ARSB: variants seen among roughly 807,000 people sequenced by gnomAD.
The protein encoded by ARSB is N-acetylgalactosamine-4-sulfatase.
Under a neutral mutation model 50.9 loss-of-function variants are expected in ARSB, and 41 were observed. The ratio of observed to expected loss-of-function variants is 0.81; its 90% confidence interval spans 0.63 to 1.04. The LOEUF is 1.04. Among genes scored for constraint, ARSB ranks in the 50% least tolerant of loss-of-function variants. ARSB has a pLI of 0.00. For synonymous variants in ARSB, 269 were observed against 284.8 expected (o/e 0.94, Z 0.56); for missense variants, 672 against 693.3 (o/e 0.97, Z 0.35).
intron 4 of ARSB, among the ~76,000 whole-genome samples, chr5:78,947,059 G>T (rs1751266621): frequency 6.6e-6 from 1 of 152,134 alleles, no homozygotes. Context: ...ATGGTGCTGG[G>T]AAAACTGGAT....
At chr5:78,892,441 A>G (rs946942119) in intron 4 of ARSB, among the ~76,000 whole-genome samples, 1 of 151,872 alleles carries the variant, frequency 6.6e-6, no homozygotes, top group Non-Finnish European at 1.5e-5. Flanking sequence ...TTTTTAGTGA[A>G]GACAGGGTTT....
chr5:78,809,028 T>C (rs1743696277), intron 6 of ARSB, among the ~76,000 whole-genome samples: 1 of 152,182 alleles, frequency 6.6e-6, no homozygotes, highest in Non-Finnish European at 1.5e-5. Flanking sequence ...AACAGACATG[T>C]ATAAATGACA....
In ARSB at chr5:78,948,622, C is replaced by T. The variant is rs1006348259; in HGVS notation, c.898+6673G>A. On this transcript the variant is annotated intron_variant, in intron 4 of 7. Coordinates refer to ENST00000264914, the MANE Select transcript of ARSB (RefSeq NM_000046.5). ...AGAATAATTAAATTTAAACTTTTCT[C>T]GTCAGCTTTTTGAAGAGTCTATTTC... 8.0e-4 allele frequency among the ~76,000 whole-genome samples: 121 copies of T among 152,140 alleles called. 1 individual carries two copies. The highest frequency in any genetic ancestry group is 1.5e-4 in the Non-Finnish European group (10 of 67,984).
intron 6 of ARSB, among the ~76,000 whole-genome samples, chr5:78,798,327 C>T (rs7735667): frequency 4.0e-5 from 6 of 149,848 alleles, no homozygotes; most frequent in Admixed American, 2.0e-4. Flanking sequence ...TCTAAATACA[C>T]GTTTTTTTAA....
chr5:78,863,646 T>C (rs1746561576), intron 5 of ARSB, among the ~76,000 whole-genome samples: 1 of 151,776 alleles, frequency 6.6e-6, no homozygotes, highest in Non-Finnish European at 1.5e-5. Context: ...TTAAGAGAAA[T>C]ACCTATTGTA....
intron 3 of ARSB, among the ~76,000 whole-genome samples, chr5:78,956,542 A>C (rs1751735629): frequency 6.6e-6 from 1 of 152,220 alleles, no homozygotes; most frequent in African/African-American, 2.4e-5. Flanking sequence ...AAAGATATTA[A>C]AAAATATAAC....
chr5:78,979,561 T>C (rs1387641786), intron 1 of ARSB, among the ~76,000 whole-genome samples: 1 of 152,232 alleles, frequency 6.6e-6, no homozygotes, highest in Non-Finnish European at 1.5e-5. Flanking sequence ...GCCTCTCCTC[T>C]TCCTATGGCA....
intron 4 of ARSB, among the ~76,000 whole-genome samples, chr5:78,886,380 T>C (rs1207432665): frequency 1.3e-5 from 2 of 152,234 alleles, no homozygotes; most frequent in African/African-American, 2.4e-5. Context: ...AAGCTGAGTA[T>C]TTCTCCAGTG....
intron 5 of ARSB, among the ~76,000 whole-genome samples, chr5:78,866,813 A>C (rs1283917669): frequency 1.3e-5 from 2 of 152,218 alleles, no homozygotes; most frequent in Admixed American, 1.3e-4. Context: ...AAAGGGGCTG[A>C]GCCAAGATGG....
At chr5:78,821,211 C>T (rs1379087048) in intron 6 of ARSB, among the ~76,000 whole-genome samples, 1 of 152,222 alleles carries the variant, frequency 6.6e-6, no homozygotes, top group Non-Finnish European at 1.5e-5. Flanking sequence ...TCTCAGCTCA[C>T]TGCAACCTCT....
intron 5 of ARSB, among the ~76,000 whole-genome samples, chr5:78,881,423 A>C (rs1747740796): frequency 6.6e-6 from 1 of 150,470 alleles, no homozygotes; most frequent in South Asian, 2.1e-4. Context: ...ATAAAAAGAC[A>C]AAAAAAAAGG....
chr5:78,850,214 T>C (rs1412063320), intron 5 of ARSB, among the ~76,000 whole-genome samples: 1 of 152,284 alleles, frequency 6.6e-6, no homozygotes, highest in Non-Finnish European at 1.5e-5. Context: ...ATAGCTCTTA[T>C]TATTTTGAGA....
At chr5:78,900,065 T>C (rs550877701) in intron 4 of ARSB, among the ~76,000 whole-genome samples, 1 of 152,146 alleles carries the variant, frequency 6.6e-6, no homozygotes, top group South Asian at 2.1e-4. Flanking sequence ...GTTGCAGTGC[T>C]GCCTGTCCCA....
At position 78,836,437 on chromosome 5, in the gene ARSB, C is replaced by T. The variant is rs149898509; in HGVS notation, c.1213+2919G>A. Among the ~76,000 whole-genome samples, 12 of 152,240 alleles carry T rather than the reference C, an allele frequency of 7.9e-5. No individual in the cohort carries two copies. In the East Asian group the frequency reaches 2.3e-3, roughly 29 times the overall value. On this transcript the variant is annotated intron_variant, in intron 6 of 7. Coordinates refer to ENST00000264914, the MANE Select transcript of ARSB (RefSeq NM_000046.5). ...CCAACATGAAGGCCTGGGTGGGCTC[C>T]AGAGAGGGAAGGAAGAGCAGCAGAA...
At chr5:78,846,138 T>C (rs1745432885) in intron 5 of ARSB, among the ~76,000 whole-genome samples, 1 of 152,184 alleles carries the variant, frequency 6.6e-6, no homozygotes, top group South Asian at 2.1e-4. Flanking sequence ...TTGAAAAGAC[T>C]GTCTCTTCCT....
chr5:78,820,951 C>T (rs1336322979), intron 6 of ARSB, among the ~76,000 whole-genome samples: 2 of 150,678 alleles, frequency 1.3e-5, no homozygotes, highest in Admixed American at 1.3e-4. Context: ...AAAAAAAACC[C>T]CACAACATTT....
chr5:78,889,102 A>C (rs337884), intron 4 of ARSB, among the ~76,000 whole-genome samples: 130,458 of 152,236 alleles, frequency 0.86, 56,046 homozygotes, highest in East Asian at 1. Context: ...CTGAGTTAGG[A>C]CATTAGTTGG....
At chr5:78,976,732 C>T (rs1322464435) in intron 1 of ARSB, among the ~76,000 whole-genome samples, 1 of 152,198 alleles carries the variant, frequency 6.6e-6, no homozygotes, top group Non-Finnish European at 1.5e-5. Context: ...ATTTAGAACA[C>T]TGTTAGATTC....
intron 5 of ARSB, among the ~76,000 whole-genome samples, chr5:78,867,037 G>T (rs555845959): frequency 6.6e-6 from 1 of 152,154 alleles, no homozygotes; most frequent in Non-Finnish European, 1.5e-5. Context: ...TTCCCTTTCC[G>T]AGTCAAAGAA....
Sources: allele counts gnomAD v4.1 joint callset (sites outside exome capture counted in the v4.1 genomes callset), GRCh38; gene constraint gnomAD v4.1.1; transcripts MANE v1.5; gene names NCBI Gene and HGNC (gene_info 2026-07-23, HGNC 2026-07-21).